PCLO: variants seen among roughly 807,000 people sequenced by gnomAD.
PCLO encodes the protein piccolo presynaptic cytomatrix protein, also known as protein piccolo.
A neutral mutation model predicts 427.5 loss-of-function variants in PCLO; 82 were observed. The ratio of observed to expected loss-of-function variants is 0.19; its 90% CI spans 0.16 to 0.23. PCLO has a LOEUF of 0.23. PCLO is among the 10% of genes least tolerant of loss of function. PCLO has a pLI of 1.00. For synonymous variants in PCLO, 2,357 were observed against 2,155.4 expected (o/e 1.09, Z -2.59); for missense variants, 6,239 against 6,115.9 (o/e 1.02, Z -0.67).
chr7:83,021,989 T>C (rs1788355649), intron 3 of PCLO, among the ~76,000 whole-genome samples: 1 of 152,228 alleles, frequency 6.6e-6, no homozygotes, highest in Non-Finnish European at 1.5e-5. Flanking sequence ...GGATATGTTA[T>C]GGTCTGAATG....
Position 83,007,861 on chromosome 7 carries a change from ATGTAG to A in PCLO, c.3301-41379_3301-41375del, listed in dbSNP as rs560981201. 2.6e-3 allele frequency among the ~76,000 whole-genome samples: 392 copies of A among 151,778 alleles called. 1 individual carries two copies. The highest frequency in any genetic ancestry group is 9.0e-3 in the African/African-American group (373 of 41,532). On this transcript the variant is annotated intron_variant, in intron 3 of 24. Transcript: ENST00000333891. ...TTATTAGGATTATGTGATAAAATCTATGTAGTGTACTTAACAGTGTCTGAGACATG... is the reference window on the plus strand; with the variant it reads ...TTATTAGGATTATGTGATAAAATCTATGTACTTAACAGTGTCTGAGACATG...
intron 3 of PCLO, among the ~76,000 whole-genome samples, chr7:83,089,787 G>GTCTT (rs1418847211): frequency 6.6e-6 from 1 of 152,004 alleles, no homozygotes; most frequent in Non-Finnish European, 1.5e-5. Context: ...GGGGTTCCAG[G>GTCTT]GTACTACATC....
At chr7:82,947,456 G>T (rs1426267367) in intron 6 of PCLO, among the ~76,000 whole-genome samples, 1 of 151,948 alleles carries the variant, frequency 6.6e-6, no homozygotes, top group East Asian at 1.9e-4. Context: ...TCATAATTAA[G>T]AAATTAATTT....
chr7:82,767,540 A>G (rs1047674059), intron 22 of PCLO, among the ~76,000 whole-genome samples: 1 of 152,142 alleles, frequency 6.6e-6, no homozygotes, highest in Non-Finnish European at 1.5e-5. Context: ...AGAAATTAAG[A>G]TTATTGACAT....
At chr7:83,034,390 T>C (rs1788742478) in intron 3 of PCLO, among the ~76,000 whole-genome samples, 1 of 152,198 alleles carries the variant, frequency 6.6e-6, no homozygotes, top group South Asian at 2.1e-4. Flanking sequence ...GGTTTTGCCA[T>C]GTTGGCCAAG....
intron 6 of PCLO, among the ~76,000 whole-genome samples, chr7:82,942,609 A>G (rs1228191969): frequency 1.3e-5 from 2 of 152,136 alleles, no homozygotes; most frequent in African/African-American, 4.8e-5. Context: ...TGACATTTGT[A>G]TATCTGTGTA....
At chr7:83,030,296 T>TA (rs907828192) in intron 3 of PCLO, among the ~76,000 whole-genome samples, 1 of 152,052 alleles carries the variant, frequency 6.6e-6, no homozygotes, top group African/African-American at 2.4e-5. Context: ...TCTCAATATT[T>TA]AAAAAAACTC....
At chr7:82,867,300 A>G (rs1793119981) in intron 10 of PCLO, among the ~76,000 whole-genome samples, 1 of 152,174 alleles carries the variant, frequency 6.6e-6, no homozygotes, top group African/African-American at 2.4e-5. Flanking sequence ...ACAATATTCT[A>G]AGCATGACAT....
At chr7:83,041,895 G>A (rs866483385) in intron 3 of PCLO, among the ~76,000 whole-genome samples, 38 of 152,002 alleles carry the variant, frequency 2.5e-4, no homozygotes, top group African/African-American at 8.0e-4. Context: ...ATTAATATAC[G>A]AGCATCCCCT....
intron 22 of PCLO, among the ~76,000 whole-genome samples, chr7:82,775,396 A>T (rs987160240): frequency 6.6e-6 from 1 of 152,142 alleles, no homozygotes; most frequent in African/African-American, 2.4e-5. Flanking sequence ...CTTCTCCAGC[A>T]TTTGGTGGTG....
intron 6 of PCLO, among the ~76,000 whole-genome samples, chr7:82,942,096 T>C (rs1795100256): frequency 6.6e-6 from 1 of 152,172 alleles, no homozygotes; most frequent in South Asian, 2.1e-4. Flanking sequence ...AGAGAATCAC[T>C]TGAACCTGGG....
intron 3 of PCLO, among the ~76,000 whole-genome samples, chr7:83,097,242 G>A (rs1288945605): frequency 7.5e-6 from 1 of 133,460 alleles, no homozygotes; most frequent in Non-Finnish European, 1.5e-5. Flanking sequence ...AAATATTTCG[G>A]CCAGGCACAG....
intron 9 of PCLO, among the ~76,000 whole-genome samples, chr7:82,894,037 C>G (rs1793841830): frequency 6.6e-6 from 1 of 151,644 alleles, no homozygotes; most frequent in African/African-American, 2.4e-5. Context: ...AAATCTTATA[C>G]AATCAAAACA....
chr7:82,993,664 G>A (rs1352375165), intron 3 of PCLO, among the ~76,000 whole-genome samples: 1 of 151,840 alleles, frequency 6.6e-6, no homozygotes, highest in Non-Finnish European at 1.5e-5. Context: ...ACAGTATAGT[G>A]TAAACATAAC....
rs771956035 is a variant in PCLO at position 82,915,169 on chromosome 7, A to G, written c.12817T>C (p.Ser4273Pro). 1.9e-6 allele frequency: 3 copies of G among 1,600,918 alleles called. No individual in the cohort carries two copies. The highest frequency in any genetic ancestry group is 3.3e-4 in the Middle Eastern group (2 of 6,044). Residue 4273 changes from serine to proline, a missense_variant, in exon 7 of 25, where the codon TCA becomes CCA. Ser to Pro is a moderately conservative substitution (Grantham distance 74, BLOSUM62 -1). Around this residue, in one of 5 missense-constraint regions of PCLO, gnomAD observed 680 missense variants for 677.3 expected, o/e 1.00. Transcript: ENST00000333891. ...GLGTLGNTIR[S>P]ALQDEADKPY... Reference sequence around the variant, plus strand: ...TTATCCGCTTCATCCTGCAGAGCTGAGCGTATGGTATTTCCTAATGTGCCC... The same window carrying G: ...TTATCCGCTTCATCCTGCAGAGCTGGGCGTATGGTATTTCCTAATGTGCCC...
chr7:82,841,601 G>T, intron 13 of PCLO, 92 bp from the exon 14 acceptor site: 1 of 817,366 alleles, frequency 1.2e-6, no homozygotes, highest in South Asian at 1.5e-5. Flanking sequence ...TTTCTATTTG[G>T]TCAGAGCAAC....
chr7:82,924,660 T>C (rs564954304), intron 6 of PCLO, among the ~76,000 whole-genome samples: 14 of 152,206 alleles, frequency 9.2e-5, no homozygotes, highest in African/African-American at 2.9e-4. Flanking sequence ...GGATCAATGA[T>C]GTAATTAAAA....
rs1407376171 is a variant in PCLO, at chr7:83,161,476, G to C, written c.248+869C>G. Among the ~76,000 whole-genome samples the C allele has an allele frequency of 4.6e-5, 7 of 152,268 alleles. No individual in the cohort carries two copies. In the East Asian group the frequency reaches 1.4e-3, roughly 29 times the overall value. On this transcript the variant is annotated intron_variant, in intron 1 of 24. Coordinates refer to ENST00000333891, the MANE Select transcript of PCLO (RefSeq NM_033026.6). ...TATACCCCTCTCAGTACTCTAATTA[G>C]AAAACAACTAATCTATTGGGATGAA...
rs540792839 is a variant in PCLO, at chr7:82,832,513, A to G, written c.14249+3154T>C. Among the ~76,000 whole-genome samples, 16 of 152,184 alleles carry G rather than the reference A, an allele frequency of 1.1e-4. No homozygotes were observed. In the South Asian group the frequency reaches 3.1e-3, roughly 30 times the overall value. ...CATGAACCACCCTCCTTGGGCTCCC[A>G]AAGTGCTGGTGGTTTATTTTTTTAT... On this transcript the variant is annotated intron_variant, in intron 16 of 24. Transcript: ENST00000333891.
Sources: allele counts gnomAD v4.1 joint callset (sites outside exome capture counted in the v4.1 genomes callset), GRCh38; gene constraint gnomAD v4.1.1; regional missense constraint gnomAD v4.1.1; transcripts MANE v1.5; gene names NCBI Gene and HGNC (gene_info 2026-07-23, HGNC 2026-07-21).